DSTYK: variants seen among roughly 807,000 people sequenced by gnomAD.
DSTYK encodes dual serine/threonine and tyrosine protein kinase.
A neutral mutation model predicts 98.7 loss-of-function variants in DSTYK; 34 were observed. The observed-to-expected ratio is 0.34, with a 90% confidence interval of 0.26 to 0.46. The LOEUF (loss-of-function observed/expected upper bound fraction) is 0.46. Among genes scored for constraint, DSTYK ranks in the 20% least tolerant of loss-of-function variants. The pLI is 1.00. For synonymous variants in DSTYK, 462 were observed against 457.3 expected (o/e 1.01, Z -0.13); for missense variants, 962 against 1,181.7 (o/e 0.81, Z 2.73).
intron 2 of DSTYK, among the ~76,000 whole-genome samples, chr1:205,176,476 T>TAAAAAAAAAAAAAAAAAAAA (rs61291677): frequency 4.6e-5 from 2 of 43,204 alleles, no homozygotes; most frequent in Non-Finnish European, 9.0e-5. Context: ...AACTCCCTCT[T>TAAAAAAAAAAAAAAAAAAAA]AAAAAAAAAA....
intron 1 of DSTYK, among the ~76,000 whole-genome samples, chr1:205,199,441 A>G (rs11240382): frequency 0.48 from 73,524 of 152,134 alleles, 21,060 homozygotes; most frequent in Non-Finnish European, 0.63. Context: ...GCATAAGGGA[A>G]CTTTCTCAGA....
intron 1 of DSTYK, among the ~76,000 whole-genome samples, chr1:205,196,703 A>C (rs144188246): frequency 2.0e-5 from 3 of 152,108 alleles, no homozygotes; most frequent in East Asian, 1.9e-4. Flanking sequence ...ATCAATTGCA[A>C]AGGAAAAAAA....
chr1:205,200,819 T>C (rs536367040), intron 1 of DSTYK, among the ~76,000 whole-genome samples: 14 of 152,318 alleles, frequency 9.2e-5, no homozygotes, highest in African/African-American at 3.4e-4. Flanking sequence ...CTTTGGAACA[T>C]GAAAATAATT....
intron 6 of DSTYK, 87 bp downstream of exon 6, chr1:205,161,949 A>G (rs1406803752): frequency 2.3e-6 from 3 of 1,300,822 alleles, no homozygotes; most frequent in Non-Finnish European, 3.2e-6. Context: ...CACATATTAT[A>G]TATGAAGAGC....
intron 7 of DSTYK, 134 bp from the exon 8 acceptor site, chr1:205,160,404 C>T: frequency 2.5e-6 from 2 of 795,050 alleles, no homozygotes; most frequent in Non-Finnish European, 4.0e-6. Context: ...GGCATGATCT[C>T]TGCTCACTGC....
chr1:205,177,078 C>T (rs1395090370), intron 2 of DSTYK, among the ~76,000 whole-genome samples: 3 of 151,686 alleles, frequency 2.0e-5, no homozygotes, highest in African/African-American at 7.3e-5. Flanking sequence ...ATGGTGACAC[C>T]CACCTATAGT....
At chr1:205,154,411 C>T (rs1440853227) in intron 10 of DSTYK, among the ~76,000 whole-genome samples, 1 of 152,084 alleles carries the variant, frequency 6.6e-6, no homozygotes, top group Non-Finnish European at 1.5e-5. Context: ...AGGGGTTTTT[C>T]CCCCCCTTTT....
chr1:205,155,326 A>T (rs1180931570), intron 10 of DSTYK, among the ~76,000 whole-genome samples: 1 of 152,118 alleles, frequency 6.6e-6, no homozygotes, highest in Non-Finnish European at 1.5e-5. Context: ...GAGGAGGCAG[A>T]GCATAATAGT....
In DSTYK at chr1:205,211,462, C is replaced by G. The variant is rs1025385058; in HGVS notation, c.74G>C (p.Arg25Pro). ...GCGGCCGAAGCCCCGGCACAGCTCG[C>G]GGATCATTCCGCCGCCGCCGGGGCC... is the stretch of plus-strand genomic sequence containing the variant. ...GPGPGGGGMI[R>P]ELCRGFGRYR... Residue 25 changes from arginine to proline, a missense_variant, in exon 1 of 13, where the codon CGC becomes CCC. Around this residue, in one of 4 missense-constraint regions of DSTYK, gnomAD observed 168 missense variants for 120.0 expected, o/e 1.40. Transcript: ENST00000367162. 6.3e-7 allele frequency: 1 copy of G among 1,592,664 alleles called. No homozygotes were observed.
intron 4 of DSTYK, 96 bp downstream of exon 4, chr1:205,163,627 G>T: frequency 2.0e-6 from 2 of 1,015,400 alleles, no homozygotes; most frequent in Non-Finnish European, 3.0e-6. Flanking sequence ...GCAAGAAGCT[G>T]AAAGGGAAAT....
In DSTYK at chr1:205,150,854, G is replaced by A. The variant is rs949312830; in HGVS notation, c.2353-60C>T. ...CTGATCCTGCACACAGCACTGCTGC[G>A]TACCTAAGCTCAAAGGTAGGTACCT... On this transcript the variant is annotated intron_variant, in intron 10 of 12. Transcript: ENST00000367162. This position sits in a 1 kb window ranked among gnomAD's most constrained non-coding sequence, Gnocchi z 4.1. 4.8e-5 allele frequency: 63 copies of A among 1,322,402 alleles called. No individual in the cohort carries two copies. The highest frequency in any genetic ancestry group is 4.4e-4 in the South Asian group (37 of 84,260). The allele number at this position is 1,322,402 out of a possible 1,614,324, so 81.9% of individuals were successfully genotyped here. A position where few individuals can be genotyped will look rare whatever the true frequency, so the allele number is the denominator to read the frequency against.
rs775965428 is a variant in DSTYK at position 205,169,207 on chromosome 1, A to G, written c.1280T>C (p.Met427Thr). 1.2e-6 allele frequency: 2 copies of G among 1,611,914 alleles called. No individual in the cohort carries two copies. Among genetic ancestry groups the G allele is most frequent in the Admixed American group, 1.7e-5 (1 of 59,912 alleles). Residue 427 changes from methionine (M) to threonine (T), a missense_variant, in exon 3 of 13, where the codon ATG (methionine) becomes ACG (threonine). Physicochemically the swap from Met to Thr is moderately conservative, Grantham distance 81. Around this residue, in one of 4 missense-constraint regions of DSTYK, gnomAD observed 660 missense variants for 855.0 expected, o/e 0.77. Coordinates refer to ENST00000367162, the MANE Select transcript of DSTYK (RefSeq NM_015375.3). This position sits in a 1 kb window ranked among gnomAD's most constrained non-coding sequence, Gnocchi z 4.0. ...KDMIVETLNT[M>T]KEELLDDATN... The stretch of plus-strand genomic sequence containing the variant: ...AGCATCATCCAGAAGTTCCTCCTTC[A>G]TGGTATTAAGTGTCTCAACAATCAT...
intron 11 of DSTYK, 126 bp from the exon 12 acceptor site, chr1:205,148,465 A>T: frequency 8.5e-7 from 1 of 1,179,576 alleles, no homozygotes; most frequent in Non-Finnish European, 1.2e-6. Context: ...TCTCAATAAC[A>T]ACCCTGCCAG....
intron 1 of DSTYK, among the ~76,000 whole-genome samples, chr1:205,201,104 T>C (rs541292224): frequency 6.6e-6 from 1 of 152,018 alleles, no homozygotes; most frequent in African/African-American, 2.4e-5. Flanking sequence ...GGGGTTTCGC[T>C]ATGTTGGTCA....
chr1:205,197,919 C>T (rs1236735278), intron 1 of DSTYK, among the ~76,000 whole-genome samples: 2 of 152,166 alleles, frequency 1.3e-5, no homozygotes, highest in South Asian at 2.1e-4. Context: ...GAAGGCCGGG[C>T]GTGATGGCTC....
At position 205,187,782 on chromosome 1, in the gene DSTYK, G is replaced by C; in HGVS notation, c.290C>G (p.Pro97Arg). 1 of 1,613,382 alleles carries C rather than the reference G, an allele frequency of 6.2e-7. No homozygotes were observed. The highest frequency in any genetic ancestry group is 1.1e-5 in the South Asian group (1 of 91,008). Residue 97 changes from proline to arginine, a missense_variant, in exon 2 of 13, where the codon CCA becomes CGA. By Grantham distance (103) the Pro-to-Arg change is moderately radical. Transcript: ENST00000367162. ...QAGQLSCISF[P>R]PKEEKYLQQI... is the part of the protein sequence containing the mutation. ...CTGGAGGTACTTCTCTTCCTTAGGT[G>C]GGAAGGAAATGCAGCTCAGTTGGCC...
chr1:205,203,546 AAGGGGAGGGGAGGGGAGGGG>A (rs1173840146), intron 1 of DSTYK, among the ~76,000 whole-genome samples: 3 of 4,896 alleles, frequency 6.1e-4, no homozygotes, highest in South Asian at 0.01. Context: ...TACGGTAGGG[AAGGGGAGGGGAGGGGAGGGG>A]AGGGGAGGGG....
At chr1:205,204,509 G>A (rs1219259170) in intron 1 of DSTYK, among the ~76,000 whole-genome samples, 2 of 150,926 alleles carry the variant, frequency 1.3e-5, no homozygotes, top group South Asian at 2.1e-4. Flanking sequence ...TATATATTTA[G>A]CATTAATTAT....
intron 1 of DSTYK, among the ~76,000 whole-genome samples, chr1:205,204,185 G>C (rs1050150115): frequency 1.3e-5 from 2 of 152,168 alleles, no homozygotes; most frequent in Admixed American, 1.3e-4. Context: ...CTCCCACTCA[G>C]TAAATGACAG....
Sources: allele counts gnomAD v4.1 joint callset (sites outside exome capture counted in the v4.1 genomes callset), GRCh38; gene constraint gnomAD v4.1.1; regional missense constraint gnomAD v4.1.1; non-coding constraint Gnocchi (gnomAD v3.1); transcripts MANE v1.5; gene names NCBI Gene and HGNC (gene_info 2026-07-23, HGNC 2026-07-21).